The following SLC4A10 variants were observed in gnomAD, a reference collection of about 807,000 sequenced individuals.
The protein encoded by SLC4A10 is solute carrier family 4 member 10.
In SLC4A10, 42 loss-of-function variants were observed where a neutral mutation model predicts 137.7. That is an observed-to-expected ratio of 0.30 (90% CI 0.24 to 0.39). The LOEUF (loss-of-function observed/expected upper bound fraction) is 0.39. Among genes scored for constraint, SLC4A10 ranks in the 10% least tolerant of loss-of-function variants. The probability of loss-of-function intolerance (pLI) is 1.00; values close to 1 mark genes in which losing one functional copy is unlikely to be tolerated. For missense variants in SLC4A10, 925 were observed against 1,355.0 expected (o/e 0.68, Z 4.98); for synonymous variants, 474 against 464.1 (o/e 1.02, Z -0.27).
chr2:161,883,143 G>A (rs1042206958), intron 10 of SLC4A10, among the ~76,000 whole-genome samples: 3 of 152,080 alleles, frequency 2.0e-5, no homozygotes, highest in African/African-American at 4.8e-5. Flanking sequence ...ATGGAAATTT[G>A]TTGTTATTGT....
intron 2 of SLC4A10, among the ~76,000 whole-genome samples, chr2:161,797,450 G>T (rs2125567619): frequency 6.6e-6 from 1 of 151,982 alleles, no homozygotes; most frequent in South Asian, 2.1e-4. Context: ...CTCATTACAG[G>T]TTGGTATTGT....
At chr2:161,804,794 A>C (rs1250134192) in intron 3 of SLC4A10, among the ~76,000 whole-genome samples, 199 bp downstream of exon 3, 1 of 152,146 alleles carries the variant, frequency 6.6e-6, no homozygotes, top group Non-Finnish European at 1.5e-5. Context: ...GAAGCTGAGA[A>C]TTGATGAAGA....
At chr2:161,935,037 T>G (rs1273626566) in intron 15 of SLC4A10, among the ~76,000 whole-genome samples, 1 of 152,132 alleles carries the variant, frequency 6.6e-6, no homozygotes, top group Admixed American at 6.6e-5. Context: ...CTTATAGTGG[T>G]TTTAGGTATT....
chr2:161,846,974 T>G (rs2059535510), intron 4 of SLC4A10, among the ~76,000 whole-genome samples: 1 of 151,964 alleles, frequency 6.6e-6, no homozygotes, highest in South Asian at 2.1e-4. Context: ...GGCTCATGCC[T>G]GTAATCCCAG....
intron 15 of SLC4A10, among the ~76,000 whole-genome samples, chr2:161,912,463 T>C (rs1264830602): frequency 1.3e-5 from 2 of 152,170 alleles, no homozygotes; most frequent in African/African-American, 4.8e-5. Flanking sequence ...GATTCAAGGA[T>C]ATATTCTGAA....
intron 15 of SLC4A10, among the ~76,000 whole-genome samples, chr2:161,924,065 C>T (rs1347762631): frequency 6.6e-6 from 1 of 152,138 alleles, no homozygotes; most frequent in African/African-American, 2.4e-5. Context: ...GCCAGAGTCA[C>T]TAGAAATTAT....
intron 13 of SLC4A10, among the ~76,000 whole-genome samples, 189 bp from the exon 14 acceptor site, chr2:161,904,587 T>G (rs1036402782): frequency 6.6e-6 from 1 of 152,248 alleles, no homozygotes; most frequent in Non-Finnish European, 1.5e-5. Context: ...CTCCTACCTT[T>G]GCTACTATGC....
At chr2:161,838,115 T>A (rs1175362259) in intron 3 of SLC4A10, among the ~76,000 whole-genome samples, 1 of 152,192 alleles carries the variant, frequency 6.6e-6, no homozygotes, top group Non-Finnish European at 1.5e-5. Flanking sequence ...TAGGCCTAGA[T>A]CAATGGGACA....
At chr2:161,924,542 T>C (rs982011865) in intron 15 of SLC4A10, among the ~76,000 whole-genome samples, 4 of 152,150 alleles carry the variant, frequency 2.6e-5, no homozygotes, top group Non-Finnish European at 4.4e-5. Flanking sequence ...TAAATTTGAA[T>C]TTATTTATTT....
At chr2:161,687,468 C>A (rs376768290) in intron 1 of SLC4A10, among the ~76,000 whole-genome samples, 1 of 152,012 alleles carries the variant, frequency 6.6e-6, no homozygotes, top group Non-Finnish European at 1.5e-5. Flanking sequence ...ACAATCACAG[C>A]GTAATTCAGC....
intron 1 of SLC4A10, among the ~76,000 whole-genome samples, chr2:161,680,181 A>G (rs1381426186): frequency 6.6e-6 from 1 of 152,072 alleles, no homozygotes; most frequent in Non-Finnish European, 1.5e-5. Context: ...AGCTCTGTTC[A>G]CAGAGTTTTG....
At chr2:161,955,159 T>C (rs1436938919) in intron 19 of SLC4A10, among the ~76,000 whole-genome samples, 1 of 152,226 alleles carries the variant, frequency 6.6e-6, no homozygotes, top group Admixed American at 6.5e-5. Flanking sequence ...GGTCCTTCCC[T>C]GTTCTACATC....
intron 3 of SLC4A10, among the ~76,000 whole-genome samples, chr2:161,817,135 G>A (rs544417923): frequency 6.6e-6 from 1 of 152,266 alleles, no homozygotes; most frequent in African/African-American, 2.4e-5. Flanking sequence ...ATCCTCTCCA[G>A]CACCTGTTGT....
intron 1 of SLC4A10, among the ~76,000 whole-genome samples, chr2:161,631,458 C>T (rs1242404069): frequency 6.6e-6 from 1 of 151,546 alleles, no homozygotes; most frequent in African/African-American, 2.4e-5. Context: ...AACTTCCTCC[C>T]CCCACAAGAA....
At chr2:161,751,042 C>T (rs1050765554) in intron 1 of SLC4A10, among the ~76,000 whole-genome samples, 4 of 151,776 alleles carry the variant, frequency 2.6e-5, no homozygotes, top group African/African-American at 9.7e-5. Context: ...CTCCTGCTTT[C>T]CTTTGGCTAC....
intron 11 of SLC4A10, among the ~76,000 whole-genome samples, chr2:161,895,236 T>C (rs903351154): frequency 9.2e-5 from 14 of 151,998 alleles, no homozygotes; most frequent in African/African-American, 2.9e-4. Context: ...CTACAAAGGA[T>C]GTGAACTCAT....
intron 11 of SLC4A10, among the ~76,000 whole-genome samples, chr2:161,898,785 G>A (rs968841710): frequency 1.3e-5 from 2 of 152,122 alleles, no homozygotes; most frequent in Non-Finnish European, 2.9e-5. Context: ...ACTCTGTACC[G>A]CACTGATGAA....
intron 4 of SLC4A10, among the ~76,000 whole-genome samples, chr2:161,853,818 C>A (rs2059958560): frequency 6.6e-6 from 1 of 152,034 alleles, no homozygotes; most frequent in South Asian, 2.1e-4. Flanking sequence ...CACTTTCTGA[C>A]ATTTTTTTTT....
At chr2:161,756,907 A>G (rs1473724353) in intron 1 of SLC4A10, among the ~76,000 whole-genome samples, 1 of 152,164 alleles carries the variant, frequency 6.6e-6, no homozygotes, top group African/African-American at 2.4e-5. Context: ...GAGATCTGGA[A>G]TGTTATTTTG....
Sources: gnomAD v4.1 joint callset for allele counts (sites outside exome capture counted in the v4.1 genomes callset) on GRCh38, gnomAD v4.1.1 for gene constraint, MANE v1.5 for transcripts, NCBI Gene and HGNC (gene_info 2026-07-23, HGNC 2026-07-21) for gene names.